The following PLEKHG5 variants were observed in gnomAD, a reference collection of about 807,000 sequenced individuals.
PLEKHG5 encodes pleckstrin homology and RhoGEF domain containing G5, also known as pleckstrin homology domain-containing family G member 5.
PLEKHG5 carries 52 observed loss-of-function variants against 103.8 expected under a neutral mutation model. That is an observed-to-expected ratio of 0.50 (90% CI 0.40 to 0.63). The LOEUF (loss-of-function observed/expected upper bound fraction) is 0.63, where lower values mean the gene tolerates loss of function less well. PLEKHG5 is among the 30% of genes least tolerant of loss of function. The probability of loss-of-function intolerance (pLI) is 0.00; values close to 1 mark genes in which losing one functional copy is unlikely to be tolerated. For synonymous variants in PLEKHG5, 592 were observed against 575.5 expected (o/e 1.03, Z -0.41); for missense variants, 1,205 against 1,347.6 (o/e 0.89, Z 1.66).
At chr1:6,519,703 G>A (rs956157517) in exon 1 of PLEKHG5, 33 of 633,694 alleles carry the variant, frequency 5.2e-5, no homozygotes, top group South Asian at 3.3e-4. Context: ...AAACCAAGGC[G>A]CTCTCAGCCC....
At chr1:6,493,856 C>T (rs574269499), upstream of PLEKHG5, among the ~76,000 whole-genome samples, 19 of 152,178 alleles carry the variant, frequency 1.2e-4, no homozygotes, top group African/African-American at 3.9e-4. Context: ...GATGGGGTTT[C>T]ACCATGTTGC....
At chr1:6,493,911 T>C (rs557001448), upstream of PLEKHG5, among the ~76,000 whole-genome samples, 1 of 151,962 alleles carries the variant, frequency 6.6e-6, no homozygotes, top group Non-Finnish European at 1.5e-5. Context: ...CTGCCCACCT[T>C]GGCCTCCCAA....
intron 1 of PLEKHG5, among the ~76,000 whole-genome samples, chr1:6,502,442 C>T (rs562813932): frequency 1.9e-3 from 291 of 152,338 alleles, no homozygotes; most frequent in African/African-American, 6.5e-3. Context: ...GCCCTACCCA[C>T]CCACACTGCT....
rs759212070 is a variant in PLEKHG5, at chr1:6,490,543, G to A, written c.-88+1094C>T. 3.0e-6 allele frequency: 3 copies of A among 985,422 alleles called. No individual in the cohort carries two copies. The highest frequency in any genetic ancestry group is 3.6e-6 in the Non-Finnish European group (3 of 829,936). 61.0% of individuals were successfully genotyped at this position (985,422 alleles called of 1,614,324 possible). A position where few individuals can be genotyped will look rare whatever the true frequency, so the allele number is the denominator to read the frequency against. The stretch of plus-strand genomic sequence containing the variant: ...TGGGGCGCGCGGGGAGAGGGGGACG[G>A]GAGCCGCGGGACGGGCTCAGTCGAC... On this transcript the variant is annotated intron_variant, in intron 1 of 20. Coordinates refer to ENST00000377728, the MANE Select transcript of PLEKHG5 (RefSeq NM_020631.6). The surrounding 1 kb of genome is among the most constrained non-coding windows in gnomAD (Gnocchi z 8.0).
At chr1:6,513,940 TTG>T (rs1218343637) in intron 1 of PLEKHG5, among the ~76,000 whole-genome samples, 1 of 152,256 alleles carries the variant, frequency 6.6e-6, no homozygotes, top group East Asian at 1.9e-4. Context: ...TCAACCCATC[TTG>T]GCATTACAGA....
intron 1 of PLEKHG5, chr1:6,485,367 T>C: frequency 7.0e-7 from 1 of 1,419,168 alleles, no homozygotes. Flanking sequence ...CCAGGAGGGC[T>C]CCGAGTCCCG....
In PLEKHG5 at chr1:6,473,909, G is replaced by A. The variant is rs752309723; in HGVS notation, c.591+104C>T. The A allele has an allele frequency of 7.1e-4, 805 of 1,135,390 alleles. 1 individual carries two copies. The highest frequency in any genetic ancestry group is 9.4e-4 in the Non-Finnish European group (746 of 793,140). 70.3% of individuals were successfully genotyped at this position (1,135,390 alleles called of 1,614,324 possible). A position where few individuals can be genotyped will look rare whatever the true frequency, so the allele number is the denominator to read the frequency against. On this transcript the variant is annotated intron_variant, in intron 7 of 20. Transcript: ENST00000377728. ...CCAGAAGGGACAATTAAAACCCCAA[G>A]ATGGGGCAGTGAGAGACCCAGGGTG... is the stretch of plus-strand genomic sequence containing the variant.
upstream of PLEKHG5, chr1:6,497,065 C>T: frequency 6.7e-7 from 1 of 1,492,098 alleles, no homozygotes; most frequent in Non-Finnish European, 8.9e-7. The surrounding 1 kb of genome is among the most constrained non-coding windows in gnomAD (Gnocchi z 6.1). Context: ...TCCAAGCTGC[C>T]TCTCTTCCTG....
intron 1 of PLEKHG5, among the ~76,000 whole-genome samples, chr1:6,488,494 T>A (rs1031799502): frequency 6.6e-6 from 1 of 152,202 alleles, no homozygotes; most frequent in Non-Finnish European, 1.5e-5. Context: ...TTGCATCAAG[T>A]GGAGACCACC....
rs144945365 is a variant in PLEKHG5 at position 6,477,798 on chromosome 1, C to G, written c.-87-140G>C. On this transcript the variant is annotated intron_variant, in intron 1 of 20. Coordinates refer to ENST00000377728, the MANE Select transcript of PLEKHG5 (RefSeq NM_020631.6). ...GAGGAGACGCCCCCCAGCAGTCCCC[C>G]CTCTCCCACATCATCAAGTTTCCCC... 1,960 of 772,594 alleles carry G rather than the reference C, an allele frequency of 2.5e-3. 5 individuals carry two copies. Among genetic ancestry groups the G allele is most frequent in the Non-Finnish European group, 3.5e-3 (1,661 of 476,158 alleles). The allele number at this position is 772,594 out of a possible 1,614,324, so 47.9% of individuals were successfully genotyped here. A position where few individuals can be genotyped will look rare whatever the true frequency, so the allele number is the denominator to read the frequency against.
Position 6,485,637 on chromosome 1 carries a change from G to A in PLEKHG5, c.-88+6000C>T, listed in dbSNP as rs6683862. 6.5e-3 allele frequency among the ~76,000 whole-genome samples: 972 copies of A among 149,316 alleles called. 9 individuals carry two copies. The highest frequency in any genetic ancestry group is 0.023 in the African/African-American group (936 of 40,548). ...CGGGCCCTCGCCACCCAGCCCCGGG[G>A]ATCCCCGCCTCCCCGCCCGGGAACC... On this transcript the variant is annotated intron_variant, in intron 1 of 20. Transcript: ENST00000377728.
chr1:6,474,292 G>T, intron 6 of PLEKHG5, 128 bp from the exon 7 acceptor site: 1 of 1,041,500 alleles, frequency 9.6e-7, no homozygotes, highest in Non-Finnish European at 1.4e-6. Context: ...CGCCCTGCCA[G>T]CACCCTCCCC....
Position 6,468,495 on chromosome 1 carries a change from T to A in PLEKHG5, c.2341A>T (p.Ser781Cys). Residue 781 changes from serine (S) to cysteine (C), a missense_variant, in exon 20 of 21, where the codon AGC (serine) becomes TGC (cysteine). By Grantham distance (112) the Ser-to-Cys change is moderately radical. Transcript: ENST00000377728. ...SSPEFDSGPF[S>C]SQSDETSLST... Reference sequence around the variant, plus strand: ...AGAGAGGTCTCATCAGACTGGGAGCTGAAAGGACCGCTGTCGAACTCGGGG... The same window carrying A: ...AGAGAGGTCTCATCAGACTGGGAGCAGAAAGGACCGCTGTCGAACTCGGGG... 4 of 1,612,750 alleles carry A rather than the reference T, an allele frequency of 2.5e-6. No homozygotes were observed. Among genetic ancestry groups the A allele is most frequent in the African/African-American group, 2.7e-5 (2 of 74,884 alleles).
chr1:6,472,515 G>A lies in PLEKHG5; in HGVS notation c.1080+12C>T, dbSNP rs764913778. 7 of 1,585,220 alleles carry A rather than the reference G, an allele frequency of 4.4e-6. No homozygotes were observed. In the East Asian group the frequency reaches 1.3e-4, roughly 30 times the overall value. On this transcript the variant is annotated intron_variant, in intron 10 of 20. Transcript: ENST00000377728. ...CAGGGTGGCCACGGGGACCAGCGCA[G>A]CCCCTACTCACGTTGATGATCACCC...
At chr1:6,519,743 C>T (rs368689040) in exon 1 of PLEKHG5, 1 of 602,768 alleles carries the variant, frequency 1.7e-6, no homozygotes, top group African/African-American at 1.9e-5. Context: ...CAACACAGGT[C>T]CCCTGGGCGC....
At chr1:6,479,388 A>G (rs1417155026) in intron 1 of PLEKHG5, among the ~76,000 whole-genome samples, 1 of 146,056 alleles carries the variant, frequency 6.8e-6, no homozygotes, top group African/African-American at 2.6e-5. Context: ...CTCGGTTCAC[A>G]CCATTCTCCT....
Position 6,470,880 on chromosome 1 carries a change from G to A in PLEKHG5, c.1397C>T (p.Ala466Val), listed in dbSNP as rs199839017. The change falls in exon 14 of 21, where the codon GCG (alanine) becomes GTG (valine). Residue 466 changes from alanine (A) to valine (V), a missense_variant. Coordinates refer to ENST00000377728, the MANE Select transcript of PLEKHG5 (RefSeq NM_020631.6). ...CCTCTGGCACTGTGGGTGCTTCTCC[G>A]CCCACTGCGGTGGGGGAGTGGGGGC... is the stretch of plus-strand genomic sequence containing the variant. ...NDLFRAYITW[A>V]EKHPQCQRLK... The A allele has an allele frequency of 4.4e-5, 68 of 1,548,946 alleles. No homozygotes were observed. In the East Asian group the frequency reaches 1.6e-3, roughly 37 times the overall value.
chr1:6,508,924 G>A (rs1417037137), intron 1 of PLEKHG5, among the ~76,000 whole-genome samples: 1 of 152,218 alleles, frequency 6.6e-6, no homozygotes, highest in Admixed American at 6.5e-5. Context: ...CCCCAGAGCG[G>A]TACACACACT....
At chr1:6,502,751 G>A (rs753299068) in intron 1 of PLEKHG5, among the ~76,000 whole-genome samples, 21 of 152,180 alleles carry the variant, frequency 1.4e-4, no homozygotes, top group Non-Finnish European at 2.6e-4. Context: ...GGCTGGCATC[G>A]GCCCACCCTG....
Sources: gnomAD v4.1 joint callset for allele counts (sites outside exome capture counted in the v4.1 genomes callset) on GRCh38, gnomAD v4.1.1 for gene constraint, Gnocchi (gnomAD v3.1) non-coding constraint, MANE v1.5 for transcripts, NCBI Gene and HGNC (gene_info 2026-07-23, HGNC 2026-07-21) for gene names.